KCNH7: variants seen among roughly 807,000 people sequenced by gnomAD.
The protein encoded by KCNH7 is voltage-gated inwardly rectifying potassium channel KCNH7.
A neutral mutation model predicts 120.8 loss-of-function variants in KCNH7; 49 were observed. The ratio of observed to expected loss-of-function variants is 0.41; its 90% confidence interval spans 0.32 to 0.51. The LOEUF (loss-of-function observed/expected upper bound fraction) is 0.51. KCNH7 is among the 20% of genes least tolerant of loss of function. KCNH7 has a pLI of 0.38. For missense variants in KCNH7, 1,097 were observed against 1,446.6 expected (o/e 0.76, Z 3.92); for synonymous variants, 547 against 516.1 (o/e 1.06, Z -0.81).
At chr2:162,507,453 G>A (rs1465113436) in intron 5 of KCNH7, among the ~76,000 whole-genome samples, 1 of 151,536 alleles carries the variant, frequency 6.6e-6, no homozygotes, top group Non-Finnish European at 1.5e-5. Context: ...ATTTGTCTTT[G>A]GGTTGGCTGT....
At chr2:162,777,605 C>T (rs1683292759) in intron 2 of KCNH7, among the ~76,000 whole-genome samples, 1 of 152,096 alleles carries the variant, frequency 6.6e-6, no homozygotes, top group Non-Finnish European at 1.5e-5. Flanking sequence ...AAGTGCTTTA[C>T]ATATACTCAC....
intron 5 of KCNH7, 54 bp from the exon 6 acceptor site, chr2:162,504,711 A>G (rs1472363441): frequency 8.4e-7 from 1 of 1,184,528 alleles, no homozygotes; most frequent in East Asian, 2.4e-5. Flanking sequence ...TAGAAGAAAG[A>G]GACAGTTCTG....
chr2:162,486,843 A>G (rs942042996), intron 6 of KCNH7, among the ~76,000 whole-genome samples: 3 of 152,222 alleles, frequency 2.0e-5, no homozygotes, highest in Non-Finnish European at 4.4e-5. Flanking sequence ...TTTGAGATAT[A>G]TTGGTAAATC....
In KCNH7 at chr2:162,696,499, G is replaced by A. The variant is rs965048460; in HGVS notation, c.307+140038C>T. ...TTCCTGGAGTCCTGATATGAATTGG[G>A]TAGAAATACATGAGGTATTTTATTT... On this transcript the variant is annotated intron_variant, in intron 2 of 15. Coordinates refer to ENST00000332142, the MANE Select transcript of KCNH7 (RefSeq NM_033272.4). 9.2e-5 allele frequency among the ~76,000 whole-genome samples: 14 copies of A among 152,120 alleles called. 1 individual carries two copies. Among genetic ancestry groups the A allele is most frequent in the Admixed American group, 8.5e-4 (13 of 15,262 alleles).
chr2:162,820,209 TTGTGTGTGTGTGTGTGTGTGTG>T (rs71410049), intron 2 of KCNH7, among the ~76,000 whole-genome samples: 2 of 99,682 alleles, frequency 2.0e-5, no homozygotes, highest in African/African-American at 7.4e-5. Context: ...CCGGCTAATT[TTGTGTGTGTGTGTGTGTGTGTG>T]TGTGTGTGTG....
chr2:162,393,307 T>C (rs1369637359), intron 12 of KCNH7, among the ~76,000 whole-genome samples: 1 of 151,924 alleles, frequency 6.6e-6, no homozygotes, highest in Non-Finnish European at 1.5e-5. Flanking sequence ...TATAGGCAGT[T>C]GGATATGTGG....
At chr2:162,559,067 A>G (rs1559014290) in intron 2 of KCNH7, among the ~76,000 whole-genome samples, 1 of 150,996 alleles carries the variant, frequency 6.6e-6, no homozygotes, top group South Asian at 2.1e-4. Context: ...AAAAAAAAAA[A>G]AAAAAAAAAG....
chr2:162,378,815 G>A (rs1686306132), intron 14 of KCNH7, among the ~76,000 whole-genome samples: 1 of 152,188 alleles, frequency 6.6e-6, no homozygotes. Flanking sequence ...TGGCTAGTTG[G>A]AAAGTCACAG....
chr2:162,390,127 T>A (rs1331906328), intron 12 of KCNH7, among the ~76,000 whole-genome samples: 2 of 151,898 alleles, frequency 1.3e-5, no homozygotes, highest in Non-Finnish European at 2.9e-5. Flanking sequence ...TAATAGCCAC[T>A]TTGATACTGT....
chr2:162,398,730 A>G (rs1019922373), intron 10 of KCNH7, among the ~76,000 whole-genome samples: 3 of 151,932 alleles, frequency 2.0e-5, no homozygotes, highest in African/African-American at 7.2e-5. Flanking sequence ...AGAAGCTAGG[A>G]CTGGCTGACT....
At chr2:162,393,176 T>C (rs1028118908) in intron 12 of KCNH7, among the ~76,000 whole-genome samples, 26 of 151,906 alleles carry the variant, frequency 1.7e-4, no homozygotes, top group African/African-American at 6.3e-4. Context: ...AATTGATGAA[T>C]AGAGTCACCA....
At chr2:162,382,315 T>A (rs1289583916) in intron 13 of KCNH7, among the ~76,000 whole-genome samples, 1 of 152,078 alleles carries the variant, frequency 6.6e-6, no homozygotes, top group Non-Finnish European at 1.5e-5. Flanking sequence ...TGAAGATACA[T>A]AATTAGCTTG....
intron 2 of KCNH7, among the ~76,000 whole-genome samples, chr2:162,542,654 T>G (rs1298515528): frequency 2.0e-5 from 3 of 152,096 alleles, no homozygotes; most frequent in African/African-American, 7.2e-5. Flanking sequence ...CTGTCATTGT[T>G]GGACATTTGG....
chr2:162,642,805 G>C (rs1475880743), intron 2 of KCNH7, among the ~76,000 whole-genome samples: 1 of 152,212 alleles, frequency 6.6e-6, no homozygotes, highest in Non-Finnish European at 1.5e-5. Flanking sequence ...CTGTAGAATG[G>C]AGAGTGGATA....
chr2:162,514,593 T>C (rs1691217849), intron 4 of KCNH7, among the ~76,000 whole-genome samples: 2 of 151,780 alleles, frequency 1.3e-5, no homozygotes, highest in African/African-American at 4.8e-5. Flanking sequence ...TTAGAATCTT[T>C]TGTAGCAGTT....
intron 2 of KCNH7, among the ~76,000 whole-genome samples, chr2:162,540,631 T>C (rs1346091135): frequency 6.6e-6 from 1 of 152,042 alleles, no homozygotes; most frequent in African/African-American, 2.4e-5. Context: ...GTATGGTTGT[T>C]GTGGGACAGG....
intron 8 of KCNH7, among the ~76,000 whole-genome samples, chr2:162,428,036 A>T (rs1341880063): frequency 2.6e-5 from 4 of 151,364 alleles, no homozygotes; most frequent in Non-Finnish European, 4.4e-5. Context: ...CTTTTCTTCC[A>T]GTTGTATTAG....
chr2:162,399,007 G>A (rs1686995593), intron 10 of KCNH7, among the ~76,000 whole-genome samples: 1 of 151,764 alleles, frequency 6.6e-6, no homozygotes. Context: ...GCCATACTCT[G>A]GTTCTACACA....
intron 2 of KCNH7, among the ~76,000 whole-genome samples, chr2:162,611,952 T>G (rs1682981467): frequency 6.6e-6 from 1 of 152,200 alleles, no homozygotes; most frequent in South Asian, 2.1e-4. Flanking sequence ...AGAAAGTCAT[T>G]GCAGGAAGGA....
Sources: allele counts gnomAD v4.1 joint callset (sites outside exome capture counted in the v4.1 genomes callset), GRCh38; gene constraint gnomAD v4.1.1; transcripts MANE v1.5; gene names NCBI Gene and HGNC (gene_info 2026-07-23, HGNC 2026-07-21).